The following KCNH7 variants were observed in gnomAD, a reference collection of about 807,000 sequenced individuals.
KCNH7 encodes potassium voltage-gated channel subfamily H member 7.
A neutral mutation model predicts 120.8 loss-of-function variants in KCNH7; 49 were observed. The observed-to-expected ratio is 0.41, with a 90% CI of 0.32 to 0.51. KCNH7 has a LOEUF of 0.51. Among genes scored for constraint, KCNH7 ranks in the 20% least tolerant of loss-of-function variants. KCNH7 has a pLI of 0.38. For synonymous variants in KCNH7, 547 were observed against 516.1 expected (o/e 1.06, Z -0.81); for missense variants, 1,097 against 1,446.6 (o/e 0.76, Z 3.92).
chr2:162,801,360 T>C (rs865970505), intron 2 of KCNH7, among the ~76,000 whole-genome samples: 1 of 151,786 alleles, frequency 6.6e-6, no homozygotes, highest in South Asian at 2.1e-4. Context: ...AACAATTGTC[T>C]ATTTTTAATT....
intron 2 of KCNH7, among the ~76,000 whole-genome samples, chr2:162,635,981 C>T (rs1376807585): frequency 6.6e-6 from 1 of 152,012 alleles, no homozygotes; most frequent in Non-Finnish European, 1.5e-5. Flanking sequence ...CGAAATACAT[C>T]AAAAGCTCAC....
intron 2 of KCNH7, among the ~76,000 whole-genome samples, chr2:162,678,613 G>A (rs186670179): frequency 1.5e-4 from 22 of 151,550 alleles, no homozygotes; most frequent in Middle Eastern, 3.4e-3. Flanking sequence ...AAACTCAAAC[G>A]AATATTCTGG....
At chr2:162,687,620 G>A (rs186057308) in intron 2 of KCNH7, among the ~76,000 whole-genome samples, 234 of 152,096 alleles carry the variant, frequency 1.5e-3, no homozygotes, top group Admixed American at 4.5e-3. Flanking sequence ...TTTACACCAC[G>A]AAAGTTGGCA....
At chr2:162,724,561 A>G (rs1465515497) in intron 2 of KCNH7, among the ~76,000 whole-genome samples, 1 of 149,936 alleles carries the variant, frequency 6.7e-6, no homozygotes, top group Non-Finnish European at 1.5e-5. Context: ...AGTCCCAGCT[A>G]CTTGGGAGGC....
At chr2:162,578,340 G>A (rs975407670) in intron 2 of KCNH7, among the ~76,000 whole-genome samples, 13 of 151,892 alleles carry the variant, frequency 8.6e-5, no homozygotes, top group Admixed American at 3.9e-4. Flanking sequence ...TGTGCTTTAC[G>A]GCTTTCAAAC....
intron 2 of KCNH7, among the ~76,000 whole-genome samples, chr2:162,690,863 A>T (rs1048868693): frequency 5.3e-5 from 8 of 152,124 alleles, no homozygotes; most frequent in African/African-American, 1.9e-4. Flanking sequence ...TGCTTATATA[A>T]TTTTCAGCAC....
chr2:162,771,108 G>A (rs62171391), intron 2 of KCNH7, among the ~76,000 whole-genome samples: 8,754 of 152,102 alleles, frequency 0.058, 339 homozygotes, highest in South Asian at 0.11. Flanking sequence ...GACTATTGTA[G>A]TGTCTACAGA....
chr2:162,416,894 T>C (rs1322279110), intron 9 of KCNH7, among the ~76,000 whole-genome samples: 2 of 152,148 alleles, frequency 1.3e-5, no homozygotes, highest in Non-Finnish European at 2.9e-5. Context: ...ATATCTGGCA[T>C]GAAACGTAAT....
In KCNH7 at chr2:162,371,997, A is replaced by G; in HGVS notation, c.3423T>C (p.Thr1141=). ...GATCACTGTCTTGTTTTAAAAGTGA[A>G]GTCAAGTTGTCTTCTGAAGCTGTGT... ...HLNTASEDNL[T]SLLKQDSDLS... is the part of the protein sequence containing the mutation. The change falls in exon 16 of 16, where the codon ACT becomes ACC. Residue 1141 remains threonine, a synonymous_variant. Coordinates refer to ENST00000332142, the MANE Select transcript of KCNH7 (RefSeq NM_033272.4). 1 of 1,613,838 alleles carries G rather than the reference A, an allele frequency of 6.2e-7. No individual in the cohort carries two copies. Among genetic ancestry groups the G allele is most frequent in the East Asian group, 2.2e-5 (1 of 44,842 alleles).
intron 2 of KCNH7, among the ~76,000 whole-genome samples, chr2:162,671,392 G>GT (rs71410023): frequency 0.028 from 3,961 of 143,018 alleles, 93 homozygotes; most frequent in African/African-American, 0.063. Flanking sequence ...ATGAAATCAT[G>GT]TTTTTTTTTT....
At position 162,801,699 on chromosome 2, in the gene KCNH7, A is replaced by C. The variant is rs570134339; in HGVS notation, c.307+34838T>G. Among the ~76,000 whole-genome samples, 122 of 151,918 alleles carry C rather than the reference A, an allele frequency of 8.0e-4. 2 individuals are homozygous for C. In the South Asian group the frequency reaches 0.017, roughly 21 times the overall value. On this transcript the variant is annotated intron_variant, in intron 2 of 15. Coordinates refer to ENST00000332142, the MANE Select transcript of KCNH7 (RefSeq NM_033272.4). Reference sequence around the variant, plus strand: ...ATTAGACTTTCTTGTATCACAATAAAACAGAAGTTATTTGAGAATGCTAAG... The same window carrying C: ...ATTAGACTTTCTTGTATCACAATAACACAGAAGTTATTTGAGAATGCTAAG...
chr2:162,831,672 C>A (rs879633182), intron 2 of KCNH7, among the ~76,000 whole-genome samples: 26 of 152,144 alleles, frequency 1.7e-4, no homozygotes, highest in Non-Finnish European at 2.8e-4. Context: ...GCAACAAAAC[C>A]AAAACCAACC....
chr2:162,403,202 T>A (rs1406507928), intron 9 of KCNH7, among the ~76,000 whole-genome samples: 1 of 151,924 alleles, frequency 6.6e-6, no homozygotes, highest in Non-Finnish European at 1.5e-5. Flanking sequence ...TAGTTAGGAA[T>A]AGAAAGCCAA....
chr2:162,376,373 T>G (rs1276666040), intron 14 of KCNH7, among the ~76,000 whole-genome samples: 1 of 151,826 alleles, frequency 6.6e-6, no homozygotes, highest in African/African-American at 2.4e-5. Flanking sequence ...GGTTTGTTTT[T>G]TTTTTTTTTT....
chr2:162,778,946 C>CTTTTTT (rs200107249), intron 2 of KCNH7, among the ~76,000 whole-genome samples: 18 of 136,492 alleles, frequency 1.3e-4, no homozygotes, highest in Non-Finnish European at 1.6e-4. Flanking sequence ...GGAACAAATT[C>CTTTTTT]TTTTTTTTTT....
chr2:162,427,259 T>A (rs1213961198), intron 8 of KCNH7, among the ~76,000 whole-genome samples: 1 of 152,092 alleles, frequency 6.6e-6, no homozygotes, highest in Non-Finnish European at 1.5e-5. Context: ...TGCTGAGTTG[T>A]GTGGTACATT....
At chr2:162,379,107 T>C (rs897794100) in intron 14 of KCNH7, among the ~76,000 whole-genome samples, 4 of 152,190 alleles carry the variant, frequency 2.6e-5, no homozygotes, top group African/African-American at 9.6e-5. Context: ...GATTAGAGCA[T>C]TTTAATTTAG....
chr2:162,457,953 G>A (rs1031832356), intron 6 of KCNH7, among the ~76,000 whole-genome samples: 6 of 151,898 alleles, frequency 4.0e-5, no homozygotes, highest in Non-Finnish European at 7.4e-5. Flanking sequence ...ATTATAAGAT[G>A]GAAAAGCATC....
chr2:162,557,650 C>G (rs779309185), intron 2 of KCNH7, among the ~76,000 whole-genome samples: 1 of 152,024 alleles, frequency 6.6e-6, no homozygotes, highest in Non-Finnish European at 1.5e-5. Flanking sequence ...CAGGGAAAGG[C>G]TAAATTTATG....
Sources: allele counts gnomAD v4.1 joint callset (sites outside exome capture counted in the v4.1 genomes callset), GRCh38; gene constraint gnomAD v4.1.1; transcripts MANE v1.5; gene names NCBI Gene and HGNC (gene_info 2026-07-23, HGNC 2026-07-21).